SPIDR: variants seen among roughly 807,000 people sequenced by gnomAD.
The protein encoded by SPIDR is scaffold protein involved in DNA repair.
Under a neutral mutation model 104.6 loss-of-function variants are expected in SPIDR, and 93 were observed. The ratio of observed to expected loss-of-function variants is 0.89; its 90% CI spans 0.75 to 1.06. The LOEUF is 1.06. Ranked by LOEUF, SPIDR falls within the 50% of genes least tolerant of loss-of-function variation. SPIDR has a pLI of 0.00. For synonymous variants in SPIDR, 431 were observed against 416.9 expected (o/e 1.03, Z -0.41); for missense variants, 1,154 against 1,111.2 (o/e 1.04, Z -0.55).
At chr8:47,609,710 A>T (rs1225844144) in intron 10 of SPIDR, among the ~76,000 whole-genome samples, 3 of 152,200 alleles carry the variant, frequency 2.0e-5, no homozygotes, top group African/African-American at 7.2e-5. Flanking sequence ...AGGTGTAAAT[A>T]ATATGAAAGT....
intron 8 of SPIDR, among the ~76,000 whole-genome samples, chr8:47,531,050 C>G (rs775094355): frequency 4.6e-5 from 7 of 152,028 alleles, no homozygotes; most frequent in Non-Finnish European, 8.8e-5. Flanking sequence ...AGTTAGGACT[C>G]CAGGCATGCC....
intron 1 of SPIDR, among the ~76,000 whole-genome samples, chr8:47,278,300 C>A (rs2037001087): frequency 6.6e-6 from 1 of 151,756 alleles, no homozygotes; most frequent in African/African-American, 2.4e-5. Context: ...GGACTATAGG[C>A]ACATGCCACC....
At chr8:47,455,602 G>T (rs2072804082) in intron 8 of SPIDR, among the ~76,000 whole-genome samples, 1 of 151,918 alleles carries the variant, frequency 6.6e-6, no homozygotes, top group Admixed American at 6.6e-5. Flanking sequence ...AACAAAACAA[G>T]AATCCACCTA....
intron 10 of SPIDR, among the ~76,000 whole-genome samples, chr8:47,662,868 G>A (rs2074340494): frequency 6.6e-6 from 1 of 152,220 alleles, no homozygotes; most frequent in African/African-American, 2.4e-5. Flanking sequence ...ATAGGAGGTT[G>A]CTTTGAAAAG....
intron 10 of SPIDR, among the ~76,000 whole-genome samples, chr8:47,623,948 A>T (rs1197860239): frequency 6.6e-6 from 1 of 152,234 alleles, no homozygotes; most frequent in South Asian, 2.1e-4. Flanking sequence ...TTTCAGCACC[A>T]CAACACACCT....
intron 8 of SPIDR, among the ~76,000 whole-genome samples, chr8:47,452,129 G>A (rs2071892965): frequency 6.6e-6 from 1 of 152,170 alleles, no homozygotes; most frequent in Non-Finnish European, 1.5e-5. Context: ...TAGTGAAGTT[G>A]ATGAAACCCA....
chr8:47,318,560 C>T (rs1426342318), intron 5 of SPIDR, among the ~76,000 whole-genome samples: 13 of 150,490 alleles, frequency 8.6e-5, no homozygotes, highest in African/African-American at 3.2e-4. Context: ...TCTAGCAAGG[C>T]AGGCCAACAT....
chr8:47,724,245 T>G (rs1322949965), intron 16 of SPIDR, among the ~76,000 whole-genome samples: 1 of 152,130 alleles, frequency 6.6e-6, no homozygotes, highest in Non-Finnish European at 1.5e-5. Flanking sequence ...GATCCTTTAA[T>G]GAGAACCAGT....
chr8:47,450,939 G>A (rs1435651229), intron 8 of SPIDR, among the ~76,000 whole-genome samples: 2 of 152,192 alleles, frequency 1.3e-5, no homozygotes, highest in Non-Finnish European at 2.9e-5. Context: ...GATCCCTGAG[G>A]AGTGGGATAA....
intron 5 of SPIDR, among the ~76,000 whole-genome samples, chr8:47,343,380 A>C (rs78163435): frequency 0.015 from 2,245 of 152,224 alleles, 31 homozygotes; most frequent in Non-Finnish European, 0.022. Context: ...GATACTCACT[A>C]AATGTTTGCT....
intron 4 of SPIDR, 123 bp from the exon 5 acceptor site, chr8:47,293,744 G>A (rs2040352417): frequency 5.5e-6 from 6 of 1,086,922 alleles, no homozygotes; most frequent in Non-Finnish European, 1.3e-6. Context: ...TATTGTGCCT[G>A]GCCCTAAATA....
chr8:47,349,607 AG>A (rs539268300), intron 5 of SPIDR, among the ~76,000 whole-genome samples: 124 of 152,302 alleles, frequency 8.1e-4, no homozygotes, highest in African/African-American at 2.9e-3. Flanking sequence ...AGGCTTGTTG[AG>A]CTGCAGTGGG....
At chr8:47,456,008 CAT>C (rs1454316377) in intron 8 of SPIDR, among the ~76,000 whole-genome samples, 25 of 152,290 alleles carry the variant, frequency 1.6e-4, no homozygotes, top group African/African-American at 2.4e-4. Flanking sequence ...TTAGACCTAA[CAT>C]GTGTAAAACA....
At chr8:47,423,945 TAAGTG>T (rs1276630887) in intron 7 of SPIDR, among the ~76,000 whole-genome samples, 1 of 152,260 alleles carries the variant, frequency 6.6e-6, no homozygotes, top group Non-Finnish European at 1.5e-5. Context: ...CAGTGATTAC[TAAGTG>T]ATACTCAAAG....
intron 10 of SPIDR, among the ~76,000 whole-genome samples, chr8:47,622,991 C>T (rs930531377): frequency 1.3e-5 from 2 of 152,112 alleles, no homozygotes; most frequent in East Asian, 1.9e-4. Flanking sequence ...TCTCAGTATC[C>T]GCTACGCCCT....
chr8:47,581,903 G>A (rs776046632), intron 8 of SPIDR, among the ~76,000 whole-genome samples: 1 of 152,178 alleles, frequency 6.6e-6, no homozygotes, highest in South Asian at 2.1e-4. Context: ...CAAGCAAATC[G>A]ATCCTAATTT....
chr8:47,544,169 G>A (rs72646357), intron 8 of SPIDR, among the ~76,000 whole-genome samples: 1 of 152,020 alleles, frequency 6.6e-6, no homozygotes, highest in African/African-American at 2.4e-5. Context: ...ATCTTTTCAT[G>A]TGCTCATTTG....
chr8:47,475,694 G>A (rs1586345736), intron 8 of SPIDR, among the ~76,000 whole-genome samples: 1 of 152,100 alleles, frequency 6.6e-6, no homozygotes, highest in African/African-American at 2.4e-5. Context: ...GCAGTGCTGA[G>A]GAGAGGAAAT....
chr8:47,687,381 T>G (rs953671948), intron 11 of SPIDR, among the ~76,000 whole-genome samples: 1 of 152,250 alleles, frequency 6.6e-6, no homozygotes, highest in Non-Finnish European at 1.5e-5. Context: ...AACAAAAAGA[T>G]ATGGTTTGCG....
Sources: gnomAD v4.1 joint callset for allele counts (sites outside exome capture counted in the v4.1 genomes callset) on GRCh38, gnomAD v4.1.1 for gene constraint, MANE v1.5 for transcripts, NCBI Gene and HGNC (gene_info 2026-07-23, HGNC 2026-07-21) for gene names.